Variants in SSBP2 observed in about 807,000 individuals in gnomAD.
SSBP2 encodes the protein single-stranded DNA-binding protein 2.
A neutral mutation model predicts 61.8 loss-of-function variants in SSBP2; 17 were observed. That is an observed-to-expected ratio of 0.28 (90% CI 0.19 to 0.41). The LOEUF is 0.41. Ranked by LOEUF, SSBP2 falls within the 10% of genes least tolerant of loss-of-function variation. SSBP2 has a pLI of 1.00. For synonymous variants in SSBP2, 139 were observed against 141.3 expected (o/e 0.98, Z 0.12); for missense variants, 310 against 458.7 (o/e 0.68, Z 2.96).
intron 15 of SSBP2, among the ~76,000 whole-genome samples, chr5:81,436,112 C>T (rs553352998): frequency 2.7e-5 from 4 of 148,598 alleles, no homozygotes; most frequent in Admixed American, 6.8e-5. Context: ...TGCTTGAACC[C>T]GGGAAGGGGA....
intron 1 of SSBP2, among the ~76,000 whole-genome samples, chr5:81,668,217 T>TAG (rs1751308389): frequency 8.8e-6 from 1 of 113,938 alleles, no homozygotes; most frequent in Admixed American, 1.2e-4. Flanking sequence ...CACTACCCAG[T>TAG]AGACTTAAAG....
intron 5 of SSBP2, among the ~76,000 whole-genome samples, chr5:81,505,823 A>G (rs936872383): frequency 2.0e-5 from 3 of 152,200 alleles, no homozygotes; most frequent in African/African-American, 7.2e-5. Context: ...GTCTAGAATG[A>G]CCAGCCTAAA....
chr5:81,423,178 A>T (rs1403279551), intron 16 of SSBP2, among the ~76,000 whole-genome samples: 1 of 152,262 alleles, frequency 6.6e-6, no homozygotes, highest in Non-Finnish European at 1.5e-5. Flanking sequence ...TGATTCCATC[A>T]GTCCAATATA....
chr5:81,437,658 T>C (rs1032724195), intron 14 of SSBP2, 200 bp from the exon 15 acceptor site: 40 of 396,934 alleles, frequency 1.0e-4, no homozygotes, highest in Non-Finnish European at 1.6e-4. Flanking sequence ...CAAGGAGTTC[T>C]ATCCTTAGTT....
Position 81,442,693 on chromosome 5 carries a change from G to C in SSBP2, c.809C>G (p.Thr270Ser). Residue 270 changes from threonine (T) to serine (S), a missense_variant, in exon 13 of 17, where the codon ACT becomes AGT. Around this residue, in one of 4 missense-constraint regions of SSBP2, gnomAD observed 209 missense variants for 286.4 expected, o/e 0.73. Coordinates refer to ENST00000320672, the MANE Select transcript of SSBP2 (RefSeq NM_012446.5). ...TCCAGGAGGTACTGCATTCATTAAA[G>C]TATACATGTTATCACCAGAGTTGGT... 1 of 1,579,444 alleles carries C rather than the reference G, an allele frequency of 6.3e-7. No homozygotes were observed. The highest frequency in any genetic ancestry group is 1.2e-5 in the South Asian group (1 of 86,124).
At chr5:81,609,037 T>G (rs975767418) in intron 4 of SSBP2, among the ~76,000 whole-genome samples, 5 of 152,186 alleles carry the variant, frequency 3.3e-5, no homozygotes, top group Non-Finnish European at 7.4e-5. Flanking sequence ...AGAGGAGAAC[T>G]GAAATGCTTT....
intron 6 of SSBP2, among the ~76,000 whole-genome samples, chr5:81,486,329 T>A (rs187878951): frequency 6.6e-6 from 1 of 152,266 alleles, no homozygotes; most frequent in African/African-American, 2.4e-5. Context: ...GTCTTCAAAG[T>A]GTTCATTTTG....
At chr5:81,615,337 A>G in intron 4 of SSBP2, 136 bp downstream of exon 4, 1 of 701,344 alleles carries the variant, frequency 1.4e-6, no homozygotes, top group Non-Finnish European at 2.5e-6. Context: ...TTATGAACCT[A>G]CTTTTCAAGA....
intron 4 of SSBP2, among the ~76,000 whole-genome samples, chr5:81,601,282 AAATC>A (rs1254987143): frequency 3.3e-5 from 5 of 152,222 alleles, no homozygotes; most frequent in African/African-American, 1.2e-4. Flanking sequence ...ACTGTAATAA[AAATC>A]AATCAGGTAG....
In SSBP2 at chr5:81,728,287, C is replaced by G. The variant is rs538965424; in HGVS notation, c.62+22694G>C. Among the ~76,000 whole-genome samples, 11 of 152,132 alleles carry G rather than the reference C, an allele frequency of 7.2e-5. No individual in the cohort carries two copies. The South Asian group carries it at 2.3e-3, about 32-fold the overall frequency. On this transcript the variant is annotated intron_variant, in intron 1 of 16. Coordinates refer to ENST00000320672, the MANE Select transcript of SSBP2 (RefSeq NM_012446.5). ...CTGACTTAGCACTTCCATTTCAAAA[C>G]AAAAACGGCGACAATACAGTGCAAT...
intron 4 of SSBP2, among the ~76,000 whole-genome samples, chr5:81,545,727 C>CA (rs1422931054): frequency 1.1e-4 from 16 of 151,920 alleles, no homozygotes; most frequent in South Asian, 4.2e-4. Context: ...TTGTATAATA[C>CA]AAAAAACAAT....
intron 2 of SSBP2, among the ~76,000 whole-genome samples, chr5:81,640,075 C>T (rs1344047920): frequency 6.6e-6 from 1 of 152,114 alleles, no homozygotes; most frequent in Non-Finnish European, 1.5e-5. Context: ...TGGGGCCAGG[C>T]GCAGTGGCTC....
At chr5:81,611,225 A>C (rs1023141597) in intron 4 of SSBP2, among the ~76,000 whole-genome samples, 1 of 152,232 alleles carries the variant, frequency 6.6e-6, no homozygotes, top group Non-Finnish European at 1.5e-5. Flanking sequence ...ACAAGACAAC[A>C]TAATAATTCA....
At chr5:81,624,370 A>G (rs1746927347) in intron 3 of SSBP2, among the ~76,000 whole-genome samples, 1 of 152,168 alleles carries the variant, frequency 6.6e-6, no homozygotes, top group African/African-American at 2.4e-5. Context: ...CTATTTGTAA[A>G]ACAAGGTTGA....
chr5:81,436,185 C>CAAAAAAAA (rs34499225), intron 15 of SSBP2, among the ~76,000 whole-genome samples: 10 of 54,570 alleles, frequency 1.8e-4, no homozygotes, highest in African/African-American at 5.5e-4. Flanking sequence ...AAGACTCCAT[C>CAAAAAAAA]AAAAAAAAAA....
chr5:81,497,594 A>C (rs1767386393), intron 5 of SSBP2, among the ~76,000 whole-genome samples: 1 of 152,182 alleles, frequency 6.6e-6, no homozygotes, highest in Admixed American at 6.5e-5. Context: ...AATGCTTATA[A>C]AGTATGTCTA....
intron 4 of SSBP2, among the ~76,000 whole-genome samples, chr5:81,604,300 C>CA (rs2153567702): frequency 6.8e-6 from 1 of 148,046 alleles, no homozygotes; most frequent in Admixed American, 6.8e-5. Context: ...GTTCATATAG[C>CA]AAAAAACAAC....
chr5:81,707,482 A>G (rs181255855), intron 1 of SSBP2, among the ~76,000 whole-genome samples: 37 of 152,274 alleles, frequency 2.4e-4, no homozygotes, highest in Admixed American at 2.4e-3. Flanking sequence ...TGGTCAGTTC[A>G]TCTATAAGGC....
At chr5:81,478,007 A>G (rs2154027946) in intron 6 of SSBP2, among the ~76,000 whole-genome samples, 1 of 152,288 alleles carries the variant, frequency 6.6e-6, no homozygotes, top group African/African-American at 2.4e-5. Context: ...TAAGACCAAC[A>G]TCTCAGAATG....
Sources: gnomAD v4.1 joint callset for allele counts (sites outside exome capture counted in the v4.1 genomes callset) on GRCh38, gnomAD v4.1.1 for gene constraint, gnomAD v4.1.1 regional missense constraint, MANE v1.5 for transcripts, NCBI Gene and HGNC (gene_info 2026-07-23, HGNC 2026-07-21) for gene names.